The following SCRG1 variants were observed in gnomAD, a reference collection of about 807,000 sequenced individuals.
SCRG1 encodes stimulator of chondrogenesis 1, also known as scrapie-responsive protein 1.
A neutral mutation model predicts 7.7 loss-of-function variants in SCRG1; 3 were observed. The observed-to-expected ratio is 0.39, with a 90% CI of 0.18 to 1.01. The LOEUF (loss-of-function observed/expected upper bound fraction) is 1.01, where lower values mean the gene tolerates loss of function less well. Among genes scored for constraint, SCRG1 ranks in the 50% least tolerant of loss-of-function variants. The probability of loss-of-function intolerance (pLI) is 0.36; values close to 1 mark genes in which losing one functional copy is unlikely to be tolerated. For synonymous variants in SCRG1, 46 were observed against 41.2 expected (o/e 1.12, Z -0.44); for missense variants, 110 against 117.2 (o/e 0.94, Z 0.28).
At chr4:173,398,294 C>T (rs1286382548) in intron 1 of SCRG1, 1 of 152,182 alleles carries the variant, frequency 6.6e-6, no homozygotes, top group East Asian at 1.9e-4. Flanking sequence ...TCCACATCCT[C>T]CCTAAAAGTG....
the SCRG1 span, among the ~76,000 whole-genome samples, chr4:173,459,502 C>T: frequency 1.7e-3 from 264 of 152,228 alleles, 2 homozygotes; most frequent in Non-Finnish European, 3.1e-3. Context: ...CAACATGCTC[C>T]TGAGTAAACA....
the SCRG1 span, among the ~76,000 whole-genome samples, chr4:173,437,592 A>G: frequency 6.6e-6 from 1 of 152,226 alleles, no homozygotes; most frequent in Non-Finnish European, 1.5e-5. Flanking sequence ...CAAACACCCA[A>G]TTAGAGTGGT....
the SCRG1 span, among the ~76,000 whole-genome samples, chr4:173,447,998 G>A: frequency 6.6e-6 from 1 of 152,120 alleles, no homozygotes; most frequent in South Asian, 2.1e-4. Flanking sequence ...CATCTACTTG[G>A]GAGACTGAGG....
chr4:173,435,837 A>G, the SCRG1 span, among the ~76,000 whole-genome samples: 2 of 152,162 alleles, frequency 1.3e-5, no homozygotes, highest in Non-Finnish European at 2.9e-5. Context: ...TAAGAAAATC[A>G]AGGACTTTCT....
At chr4:173,451,530 AG>A in the SCRG1 span, among the ~76,000 whole-genome samples, 1 of 152,268 alleles carries the variant, frequency 6.6e-6, no homozygotes, top group East Asian at 1.9e-4. Context: ...CATTAACTAA[AG>A]AATGGGCCTC....
upstream of SCRG1, among the ~76,000 whole-genome samples, chr4:173,408,335 A>G (rs893711807): frequency 4.6e-5 from 7 of 152,196 alleles, no homozygotes; most frequent in Non-Finnish European, 1.0e-4. Context: ...TGCCTTTAAT[A>G]CTAATATTCT....
the SCRG1 span, among the ~76,000 whole-genome samples, chr4:173,496,461 A>G: frequency 6.6e-6 from 1 of 152,234 alleles, no homozygotes; most frequent in Non-Finnish European, 1.5e-5. Context: ...TATGCAACAG[A>G]GACTAGAAAT....
chr4:173,483,256 GA>G, the SCRG1 span, among the ~76,000 whole-genome samples: 1 of 35,632 alleles, frequency 2.8e-5, no homozygotes, highest in Non-Finnish European at 5.8e-5. Context: ...TATCATATAT[GA>G]TATATCATAT....
At chr4:173,391,499 C>T in intron 1 of SCRG1, 71 bp from the exon 2 acceptor site, 3 of 1,467,112 alleles carry the variant, frequency 2.0e-6, no homozygotes, top group African/African-American at 1.4e-5. Flanking sequence ...GAATGAAGTT[C>T]TGTAGCATGC....
chr4:173,483,481 T>C, the SCRG1 span, among the ~76,000 whole-genome samples: 1 of 81,420 alleles, frequency 1.2e-5, no homozygotes, highest in African/African-American at 6.9e-5. Flanking sequence ...TATTCTGATA[T>C]ATAATATATT....
the SCRG1 span, among the ~76,000 whole-genome samples, chr4:173,433,875 G>T: frequency 1.3e-5 from 2 of 152,164 alleles, no homozygotes; most frequent in Non-Finnish European, 2.9e-5. Context: ...TCAAGACATG[G>T]GTCCCTACTC....
the SCRG1 span, among the ~76,000 whole-genome samples, chr4:173,495,552 G>A: frequency 6.6e-6 from 1 of 152,194 alleles, no homozygotes; most frequent in African/African-American, 2.4e-5. Flanking sequence ...TTTATTATAA[G>A]AATGATTCAT....
At chr4:173,450,519 G>A in the SCRG1 span, among the ~76,000 whole-genome samples, 2 of 152,076 alleles carry the variant, frequency 1.3e-5, no homozygotes, top group African/African-American at 4.8e-5. Context: ...GGGCAGCATT[G>A]GGATCTCATG....
the SCRG1 span, among the ~76,000 whole-genome samples, chr4:173,435,114 ATCTATGTG>A: frequency 8.4e-5 from 4 of 47,402 alleles, no homozygotes; most frequent in African/African-American, 3.2e-4. Context: ...ATGCATATAT[ATCTATGTG>A]TGTGTGTGTG....
chr4:173,419,908 C>G, the SCRG1 span: 1 of 872,250 alleles, frequency 1.1e-6, no homozygotes, highest in East Asian at 2.5e-5. Flanking sequence ...TCAGGCCGGC[C>G]TTCACACCAT....
the SCRG1 span, among the ~76,000 whole-genome samples, chr4:173,441,901 C>T: frequency 1.3e-5 from 2 of 152,078 alleles, no homozygotes; most frequent in East Asian, 1.9e-4. Flanking sequence ...ATAAAGTCTG[C>T]GGTCTAATAA....
At chr4:173,437,983 T>C in the SCRG1 span, among the ~76,000 whole-genome samples, 1 of 152,208 alleles carries the variant, frequency 6.6e-6, no homozygotes, top group African/African-American at 2.4e-5. Context: ...ACCAAGACTT[T>C]GTAGCTTTGC....
chr4:173,426,065 A>G, the SCRG1 span, among the ~76,000 whole-genome samples: 1 of 152,268 alleles, frequency 6.6e-6, no homozygotes, highest in Non-Finnish European at 1.5e-5. Context: ...TAGGAAGCCC[A>G]GTTACATTTG....
the SCRG1 span, among the ~76,000 whole-genome samples, chr4:173,440,029 A>G: frequency 6.6e-6 from 1 of 152,196 alleles, no homozygotes; most frequent in Non-Finnish European, 1.5e-5. Flanking sequence ...ATTTCTGCAA[A>G]AATATGGTGA....
Sources: allele counts gnomAD v4.1 joint callset (sites outside exome capture counted in the v4.1 genomes callset), GRCh38; gene constraint gnomAD v4.1.1; transcripts MANE v1.5; gene names NCBI Gene and HGNC (gene_info 2026-07-23, HGNC 2026-07-21).